The following EPN2 variants were observed in gnomAD, a reference collection of about 807,000 sequenced individuals.
EPN2 encodes the protein epsin-2.
EPN2 carries 34 observed loss-of-function variants against 61.7 expected under a neutral mutation model. The observed-to-expected ratio is 0.55, with a 90% CI of 0.42 to 0.73. EPN2 has a LOEUF of 0.73. EPN2 is among the 30% of genes least tolerant of loss of function. EPN2 has a pLI of 0.00. For missense variants in EPN2, 714 were observed against 839.2 expected, an observed-to-expected ratio of 0.85 and a Z score of 1.84; for synonymous variants, 349 against 353.6, an observed-to-expected ratio of 0.99 and a Z score of 0.15.
intron 1 of EPN2, among the ~76,000 whole-genome samples, chr17:19,275,379 T>C (rs1156772207): frequency 6.6e-6 from 1 of 152,256 alleles, no homozygotes; most frequent in Non-Finnish European, 1.5e-5. Flanking sequence ...AATGGCTTCA[T>C]GCACAGGTAG....
chr17:19,263,204 G>A (rs1272402775), intron 1 of EPN2, among the ~76,000 whole-genome samples: 6 of 152,204 alleles, frequency 3.9e-5, no homozygotes, highest in African/African-American at 4.8e-5. Context: ...TCTCATTGCC[G>A]TGCCATGGCT....
chr17:19,305,117 GTT>G (rs1222270324), intron 4 of EPN2, among the ~76,000 whole-genome samples: 9 of 145,476 alleles, frequency 6.2e-5, no homozygotes, highest in Admixed American at 6.9e-5. Context: ...ATATACTTTG[GTT>G]TTTTTTTTTT....
chr17:19,273,829 T>C (rs570051549), intron 1 of EPN2, among the ~76,000 whole-genome samples: 8 of 152,274 alleles, frequency 5.3e-5, no homozygotes, highest in East Asian at 3.8e-4. Flanking sequence ...GCAACAGTTA[T>C]TAGGCTTTAA....
At chr17:19,303,572 G>A (rs1905647999) in intron 4 of EPN2, among the ~76,000 whole-genome samples, 2 of 152,148 alleles carry the variant, frequency 1.3e-5, no homozygotes, top group Admixed American at 6.5e-5. Context: ...GCACATCAGC[G>A]TTTTGCTGGG....
chr17:19,296,212 G>A (rs1227204486), intron 4 of EPN2, among the ~76,000 whole-genome samples: 3 of 151,746 alleles, frequency 2.0e-5, no homozygotes, highest in South Asian at 2.1e-4. Context: ...GTGCAGTGGC[G>A]TGATCTCGGC....
At position 19,332,030 on chromosome 17, in the gene EPN2, C is replaced by T. The variant is rs760691413; in HGVS notation, c.1589C>T (p.Ala530Val). 9.3e-6 allele frequency: 15 copies of T among 1,612,586 alleles called. No homozygotes were observed. Among genetic ancestry groups the T allele is most frequent in the African/African-American group, 1.3e-5 (1 of 74,892 alleles). The change falls in exon 10 of 11, where the codon GCC becomes GTC. Residue 530 changes from alanine (A) to valine (V), a missense_variant. By Grantham distance (64) the Ala-to-Val change is moderately conservative. Around this residue, in one of 2 missense-constraint regions of EPN2, gnomAD observed 410 missense variants for 421.8 expected, o/e 0.97. Coordinates refer to ENST00000314728, the MANE Select transcript of EPN2 (RefSeq NM_014964.5). The part of the protein sequence containing the change: ...VNLDSLVTRP[A>V]PPAQSLNPFL... ...CTGGACTCACTGGTGACCAGGCCTG[C>T]CCCACCAGCCCAGTCCCTCAACCCT...
chr17:19,313,054 T>G (rs761659957), intron 6 of EPN2, 51 bp from the exon 7 acceptor site: 1 of 1,578,894 alleles, frequency 6.3e-7, no homozygotes, highest in South Asian at 1.1e-5. Flanking sequence ...CATGAGTATT[T>G]GCTGTAACTG....
chr17:19,283,264 A>G lies in EPN2; in HGVS notation c.145A>G (p.Asn49Asp). The G allele has an allele frequency of 6.2e-7, 1 of 1,614,038 alleles. No individual in the cohort carries two copies. The highest frequency in any genetic ancestry group is 8.5e-7 in the Non-Finnish European group (1 of 1,180,004). ...GACCGAGATTGCCGACCTGACCTACAACGTGGTGGCCTTCTCGGAGATCAT... is the reference window on the plus strand; with the variant it reads ...GACCGAGATTGCCGACCTGACCTACGACGTGGTGGCCTTCTCGGAGATCAT... ...LMTEIADLTYNVVAFSEIMSM... is the reference protein window; with the variant it reads ...LMTEIADLTYDVVAFSEIMSM... The change falls in exon 3 of 11, where the codon AAC becomes GAC. Residue 49 changes from asparagine (N) to aspartate (D), a missense_variant. Transcript: ENST00000314728. This position sits in a 1 kb window ranked among gnomAD's most constrained non-coding sequence, Gnocchi z 7.0.
At chr17:19,286,077 C>T (rs1398152861) in intron 4 of EPN2, among the ~76,000 whole-genome samples, 1 of 152,202 alleles carries the variant, frequency 6.6e-6, no homozygotes, top group African/African-American at 2.4e-5. Context: ...TCCCCATGCT[C>T]CCATTCCCTG....
At chr17:19,243,384 ATTTTTTTTTTTTT>A (rs1013094131) in intron 1 of EPN2, among the ~76,000 whole-genome samples, 6 of 77,280 alleles carry the variant, frequency 7.8e-5, no homozygotes, top group Non-Finnish European at 1.1e-4. Context: ...TGCCTGGCTA[ATTTTTTTTTTTTT>A]TTTTTTTTTT....
rs774322483 is a variant in EPN2, at chr17:19,283,686, C to T, written c.567C>T (p.Ala189=). The change falls in exon 3 of 11, where the codon GCC becomes GCT. Residue 189 remains alanine, a synonymous_variant. Coordinates refer to ENST00000314728, the MANE Select transcript of EPN2 (RefSeq NM_014964.5). The surrounding 1 kb of genome is among the most constrained non-coding windows in gnomAD (Gnocchi z 7.0). ...ACTCGGAGCAGGAGTATGGCAAGGCCGGGGGCTCCCCGGCCTCCTACCATG... is the reference window on the plus strand; with the variant it reads ...ACTCGGAGCAGGAGTATGGCAAGGCTGGGGGCTCCCCGGCCTCCTACCATG... ...TSHSEQEYGK[A]GGSPASYHGS... 19 of 1,601,208 alleles carry T rather than the reference C, an allele frequency of 1.2e-5. No individual in the cohort carries two copies. Among genetic ancestry groups the T allele is most frequent in the East Asian group, 1.1e-4 (5 of 44,684 alleles).
In EPN2 at chr17:19,312,090, G is replaced by A. The variant is rs1906167693; in HGVS notation, c.918G>A (p.Gln306=). The change falls in exon 6 of 11, where the codon CAG becomes CAA. Residue 306 remains glutamine (Q), a synonymous_variant. Coordinates refer to ENST00000314728, the MANE Select transcript of EPN2 (RefSeq NM_014964.5). ...RLRRGDDLRL[Q]MALEESRRDT... ...GGCGGGGTGATGACCTCAGATTACA[G>A]ATGGCCCTGGAAGAAAGCCGAAGGG... 1 of 1,614,202 alleles carries A rather than the reference G, an allele frequency of 6.2e-7. No individual in the cohort carries two copies.
At chr17:19,288,260 C>G (rs537011534) in intron 4 of EPN2, among the ~76,000 whole-genome samples, 1 of 152,378 alleles carries the variant, frequency 6.6e-6, no homozygotes, top group Non-Finnish European at 1.5e-5. Flanking sequence ...CCTGGTCTAC[C>G]TGCCCTCTGC....
rs1216480396 is a variant in EPN2 at position 19,336,700 on chromosome 17, A to T, written c.*2446A>T. The T allele has an allele frequency of 6.6e-6, 1 of 152,566 alleles. No homozygotes were observed. The highest frequency in any genetic ancestry group is 1.5e-5 in the Non-Finnish European group (1 of 68,038). 9.5% of individuals were successfully genotyped at this position (152,566 alleles called of 1,614,324 possible). ...CTTATTTACTGTATAAATATAATTT[A>T]TCATTTGTACCATGATGCGGTTTCT... On this transcript the variant is annotated 3_prime_UTR_variant, in exon 11 of 11. Transcript: ENST00000314728.
chr17:19,328,684 C>G (rs1192251252), intron 7 of EPN2, 27 bp from the exon 8 acceptor site: 2 of 1,578,460 alleles, frequency 1.3e-6, no homozygotes, highest in East Asian at 4.5e-5. Context: ...GAAGGCATTT[C>G]TGAGCCCTGA....
chr17:19,313,326 G>C, intron 7 of EPN2, 47 bp downstream of exon 7: 4 of 1,482,488 alleles, frequency 2.7e-6, no homozygotes, highest in Non-Finnish European at 3.6e-6. Flanking sequence ...CTGGATGGGT[G>C]AGGGGCAGGG....
intron 1 of EPN2, among the ~76,000 whole-genome samples, chr17:19,256,907 C>G (rs2045086662): frequency 6.6e-6 from 1 of 152,172 alleles, no homozygotes; most frequent in South Asian, 2.1e-4. Context: ...AAAACATGGT[C>G]TTTGCAACTA....
intron 1 of EPN2, among the ~76,000 whole-genome samples, chr17:19,252,763 C>T (rs2045028350): frequency 6.6e-6 from 1 of 152,204 alleles, no homozygotes; most frequent in Non-Finnish European, 1.5e-5. Context: ...GATCTCTGCT[C>T]ACCGCAACCT....
chr17:19,286,172 G>A (rs1388829227), intron 4 of EPN2, among the ~76,000 whole-genome samples: 2 of 152,172 alleles, frequency 1.3e-5, no homozygotes, highest in Admixed American at 1.3e-4. Context: ...GGAAATGTGT[G>A]ATTTAAACCT....
Sources: allele counts gnomAD v4.1 joint callset (sites outside exome capture counted in the v4.1 genomes callset), GRCh38; gene constraint gnomAD v4.1.1; regional missense constraint gnomAD v4.1.1; non-coding constraint Gnocchi (gnomAD v3.1); transcripts MANE v1.5; gene names NCBI Gene and HGNC (gene_info 2026-07-23, HGNC 2026-07-21).